Variants in PADI2 observed in about 807,000 individuals in gnomAD.
PADI2 encodes protein-arginine deiminase type-2.
Under a neutral mutation model 81.1 loss-of-function variants are expected in PADI2, and 70 were observed. The ratio of observed to expected loss-of-function variants is 0.86; its 90% CI spans 0.71 to 1.05. The LOEUF is 1.05. Among genes scored for constraint, PADI2 ranks in the 50% least tolerant of loss-of-function variants. The pLI, the probability that PADI2 is intolerant of heterozygous loss-of-function variation, is 0.00. For synonymous variants in PADI2, 338 were observed against 358.0 expected (o/e 0.94, Z 0.63); for missense variants, 853 against 889.9 (o/e 0.96, Z 0.53).
intron 10 of PADI2, 37 bp from the exon 11 acceptor site, chr1:17,079,452 AGCCAGG>A: frequency 3.8e-6 from 6 of 1,581,536 alleles, no homozygotes; most frequent in Non-Finnish European, 5.2e-6. Flanking sequence ...AGTCTTCTGC[AGCCAGG>A]GTCCTCAGCC....
In PADI2 at chr1:17,074,874, C is replaced by T. The variant is rs1303876809; in HGVS notation, c.1531G>A (p.Glu511Lys). Residue 511 changes from glutamate to lysine, a missense_variant, in exon 13 of 16, where the codon GAG becomes AAG. By Grantham distance (56) the Glu-to-Lys change is moderately conservative. Transcript: ENST00000375486. ...FREKQKDGHG[E>K]AIMFKGLGGM... ...CACTCACCTTTGAACATGATGGCCT[C>T]TCCATGGCCGTCCTTCTGCTTCTCT... 1.2e-6 allele frequency: 2 copies of T among 1,612,052 alleles called. No homozygotes were observed. The highest frequency in any genetic ancestry group is 1.7e-6 in the Non-Finnish European group (2 of 1,178,766).
intron 2 of PADI2, among the ~76,000 whole-genome samples, chr1:17,104,484 G>T (rs1379485247): frequency 8.5e-6 from 1 of 117,720 alleles, no homozygotes; most frequent in Non-Finnish European, 1.7e-5. Flanking sequence ...GCCCAGGCTG[G>T]AGTGCAGTGG....
At chr1:17,069,620 T>G (rs932654657) in intron 15 of PADI2, among the ~76,000 whole-genome samples, 1 of 151,624 alleles carries the variant, frequency 6.6e-6, no homozygotes. Flanking sequence ...TATTTCTGTG[T>G]GTGCATGTGT....
chr1:17,083,690 G>A, intron 9 of PADI2, 36 bp downstream of exon 9: 2 of 1,305,066 alleles, frequency 1.5e-6, no homozygotes, highest in Non-Finnish European at 2.2e-6. Flanking sequence ...TGACCCGGGG[G>A]CCATGTCCTT....
intron 1 of PADI2, among the ~76,000 whole-genome samples, chr1:17,107,080 G>A (rs1314661354): frequency 2.6e-5 from 4 of 152,176 alleles, no homozygotes; most frequent in Non-Finnish European, 4.4e-5. Context: ...TAGGGCTGGC[G>A]GCTTTGCTAA....
At position 17,070,113 on chromosome 1, in the gene PADI2, C is replaced by A; in HGVS notation, c.1739G>T (p.Arg580Leu). The stretch of plus-strand genomic sequence containing the variant: ...CATGTTTGGGAAGAAGGCTCTGGCA[C>A]GGTGGTCCTCGTCCATCTTGAACAG... ...PALFKMDEDH[R>L]ARAFFPNMVN... is the part of the protein sequence containing the mutation. The change falls in exon 15 of 16, where the codon CGT becomes CTT. Residue 580 changes from arginine to leucine, a missense_variant. Coordinates refer to ENST00000375486, the MANE Select transcript of PADI2 (RefSeq NM_007365.3). The A allele has an allele frequency of 6.2e-7, 1 of 1,614,028 alleles. No homozygotes were observed. Among genetic ancestry groups the A allele is most frequent in the Non-Finnish European group, 8.5e-7 (1 of 1,179,934 alleles).
rs530945196 is a variant in PADI2, at chr1:17,112,537, G to C, written c.92+6743C>G. ...TTAGAGGAGTCTGGGGGGGGGAGTCGTGGGTGCCAGCCTGTCATGCAACCC... is the reference window on the plus strand; with the variant it reads ...TTAGAGGAGTCTGGGGGGGGGAGTCCTGGGTGCCAGCCTGTCATGCAACCC... On this transcript the variant is annotated intron_variant, in intron 1 of 15. Transcript: ENST00000375486. 5.9e-5 allele frequency among the ~76,000 whole-genome samples: 9 copies of C among 151,812 alleles called. No homozygotes were observed. In the South Asian group the frequency reaches 1.7e-3, roughly 28 times the overall value.
chr1:17,068,319 G>A lies in PADI2; in HGVS notation c.*725C>T, dbSNP rs906361955. On this transcript the variant is annotated 3_prime_UTR_variant, in exon 16 of 16. Coordinates refer to ENST00000375486, the MANE Select transcript of PADI2 (RefSeq NM_007365.3). ...GGTCACAAGTATGCTGGTCTGGGGAGAAATCCCCATGCATGCGGGGGAGCC... is the reference window on the plus strand; with the variant it reads ...GGTCACAAGTATGCTGGTCTGGGGAAAAATCCCCATGCATGCGGGGGAGCC... 6.5e-6 allele frequency: 1 copy of A among 152,734 alleles called. No homozygotes were observed. The highest frequency in any genetic ancestry group is 2.4e-5 in the African/African-American group (1 of 41,460). 9.5% of individuals were successfully genotyped at this position (152,734 alleles called of 1,614,324 possible).
intron 9 of PADI2, 187 bp from the exon 10 acceptor site, chr1:17,082,839 C>T (rs535433080): frequency 5.8e-6 from 3 of 518,630 alleles, no homozygotes; most frequent in South Asian, 5.2e-5. Flanking sequence ...GCAGTCTCTG[C>T]ACATCACAGG....
chr1:17,082,595 C>G lies in PADI2; in HGVS notation c.1108G>C (p.Asp370His). Residue 370 changes from aspartate (D) to histidine (H), a missense_variant, in exon 10 of 16, where the codon GAC becomes CAC. Asp to His is a moderately conservative substitution (Grantham distance 81, BLOSUM62 -1). Transcript: ENST00000375486. ...APHKGFPVVL[D>H]SPRDGNLKDF... The stretch of plus-strand genomic sequence containing the variant: ...TTTAGGTTTCCATCTCGGGGAGAGT[C>G]CAGCACCACGGGGAAGCCTTTATGG... The G allele has an allele frequency of 6.2e-7, 1 of 1,613,136 alleles. No homozygotes were observed. Among genetic ancestry groups the G allele is most frequent in the Non-Finnish European group, 8.5e-7 (1 of 1,179,652 alleles).
chr1:17,111,160 T>G (rs1018504201), intron 1 of PADI2, among the ~76,000 whole-genome samples: 5 of 146,558 alleles, frequency 3.4e-5, no homozygotes, highest in African/African-American at 1.3e-4. Context: ...TGATCTTGGC[T>G]CACTGCAATC....
intron 11 of PADI2, among the ~76,000 whole-genome samples, chr1:17,076,697 C>A (rs1195245241): frequency 6.6e-6 from 1 of 151,992 alleles, no homozygotes; most frequent in Admixed American, 6.6e-5. Flanking sequence ...CTTCCTCAGC[C>A]TCCCAAGTAG....
chr1:17,084,450 C>T (rs2078370121), intron 8 of PADI2, 149 bp downstream of exon 8: 7 of 579,350 alleles, frequency 1.2e-5, no homozygotes, highest in South Asian at 1.1e-4. Context: ...CACAGTGACT[C>T]TACGATGTGG....
Position 17,071,436 on chromosome 1 carries a change from C to G in PADI2, c.1605G>C (p.Glu535Asp). The change falls in exon 14 of 16, where the codon GAG (glutamate) becomes GAC (aspartate). Residue 535 changes from glutamate to aspartate, a missense_variant. Glu to Asp is a conservative substitution (Grantham distance 45). Transcript: ENST00000375486. The part of the protein sequence containing the change: ...RITINKILSN[E>D]SLVQENLYFQ... ...AGTACAGGTTCTCCTGCACAAGGCTCTCGTTGGACAGAATCTTGTTGATGG... is the reference window on the plus strand; with the variant it reads ...AGTACAGGTTCTCCTGCACAAGGCTGTCGTTGGACAGAATCTTGTTGATGG... The G allele has an allele frequency of 6.2e-7, 1 of 1,614,160 alleles. No homozygotes were observed. The highest frequency in any genetic ancestry group is 1.3e-5 in the African/African-American group (1 of 75,070).
At chr1:17,092,614 A>G in intron 5 of PADI2, 81 bp from the exon 6 acceptor site, 1 of 1,331,688 alleles carries the variant, frequency 7.5e-7, no homozygotes, top group Non-Finnish European at 1.0e-6. Context: ...TTTGATAATC[A>G]GGAAAAAATC....
rs911981102 is a variant in PADI2 at position 17,115,645 on chromosome 1, G to A, written c.92+3635C>T. ...GTGGCCAGGATGGAACCAACCTAGG[G>A]ACTCCCTCTGTGCTCTCTTTCCAAC... is the stretch of plus-strand genomic sequence containing the variant. On this transcript the variant is annotated intron_variant, in intron 1 of 15. Transcript: ENST00000375486. This position sits in a 1 kb window ranked among gnomAD's most constrained non-coding sequence, Gnocchi z 4.1. Among the ~76,000 whole-genome samples the A allele has an allele frequency of 6.6e-6, 1 of 152,146 alleles. No individual in the cohort carries two copies. Among genetic ancestry groups the A allele is most frequent in the Admixed American group, 6.5e-5 (1 of 15,286 alleles).
intron 6 of PADI2, among the ~76,000 whole-genome samples, chr1:17,089,372 C>A (rs1471214234): frequency 1.3e-5 from 2 of 152,220 alleles, no homozygotes; most frequent in Admixed American, 6.5e-5. Context: ...CCCACAGGCC[C>A]CAGGCTGCAC....
intron 11 of PADI2, 164 bp downstream of exon 11, chr1:17,079,100 G>C: frequency 1.7e-6 from 1 of 575,724 alleles, no homozygotes; most frequent in Non-Finnish European, 3.1e-6. Flanking sequence ...ATAAAGGCTA[G>C]CTTGATTTTC....
chr1:17,077,691 C>A (rs2078313810), intron 11 of PADI2, among the ~76,000 whole-genome samples: 1 of 152,144 alleles, frequency 6.6e-6, no homozygotes, highest in South Asian at 2.1e-4. Context: ...GAGAAGGAGG[C>A]AAAAGTGGGC....
Sources: allele counts gnomAD v4.1 joint callset (sites outside exome capture counted in the v4.1 genomes callset), GRCh38; gene constraint gnomAD v4.1.1; non-coding constraint Gnocchi (gnomAD v3.1); transcripts MANE v1.5; gene names NCBI Gene and HGNC (gene_info 2026-07-23, HGNC 2026-07-21).